CLASP1: variants seen among roughly 807,000 people sequenced by gnomAD.
CLASP1 encodes the protein CLIP-associating protein 1.
A neutral mutation model predicts 192.3 loss-of-function variants in CLASP1; 38 were observed. The ratio of observed to expected loss-of-function variants is 0.20; its 90% CI spans 0.15 to 0.26. The LOEUF is 0.26. Among genes scored for constraint, CLASP1 ranks in the 10% least tolerant of loss-of-function variants. The pLI is 1.00. For synonymous variants in CLASP1, 691 were observed against 712.8 expected (o/e 0.97, Z 0.49); for missense variants, 1,433 against 1,932.5 (o/e 0.74, Z 4.85).
At chr2:121,627,074 T>C (rs554505452) in intron 1 of CLASP1, among the ~76,000 whole-genome samples, 11 of 151,918 alleles carry the variant, frequency 7.2e-5, no homozygotes, top group Admixed American at 2.0e-4. Flanking sequence ...GTACATCCCA[T>C]AGATGCCAAT....
intron 1 of CLASP1, among the ~76,000 whole-genome samples, chr2:121,633,750 T>C (rs1259758221): frequency 6.6e-6 from 1 of 152,082 alleles, no homozygotes; most frequent in Admixed American, 6.6e-5. Context: ...CTCACACCTG[T>C]AATCCCAGCA....
intron 2 of CLASP1, among the ~76,000 whole-genome samples, chr2:121,557,175 C>T (rs184222945): frequency 1.3e-5 from 2 of 152,298 alleles, no homozygotes; most frequent in Admixed American, 6.5e-5. Flanking sequence ...CTCAAGAGCA[C>T]GTGATAGAAC....
At chr2:121,382,520 G>A (rs1316284898) in intron 32 of CLASP1, among the ~76,000 whole-genome samples, 196 bp from the exon 34 acceptor site, 1 of 152,182 alleles carries the variant, frequency 6.6e-6, no homozygotes, top group Non-Finnish European at 1.5e-5. Flanking sequence ...GGTCCTCGAT[G>A]AGACTGCTTT....
chr2:121,542,609 G>C (rs1318813903), intron 2 of CLASP1, among the ~76,000 whole-genome samples: 3 of 152,166 alleles, frequency 2.0e-5, no homozygotes, highest in Admixed American at 1.3e-4. Context: ...GGAAGTGCCT[G>C]GGTGCTCAAC....
intron 8 of CLASP1, among the ~76,000 whole-genome samples, chr2:121,471,383 CAT>C (rs2090699013): frequency 6.6e-6 from 1 of 152,064 alleles, no homozygotes; most frequent in Non-Finnish European, 1.5e-5. Context: ...AAGAGTGAGT[CAT>C]TTAGGAGGCT....
chr2:121,471,076 A>C (rs1347840032), intron 8 of CLASP1, among the ~76,000 whole-genome samples: 2 of 152,192 alleles, frequency 1.3e-5, no homozygotes, highest in African/African-American at 4.8e-5. Context: ...TGAGGCCAGG[A>C]GTTCAAGACC....
At chr2:121,640,034 G>A (rs1291639997) in intron 1 of CLASP1, among the ~76,000 whole-genome samples, 1 of 152,144 alleles carries the variant, frequency 6.6e-6, no homozygotes, top group Admixed American at 6.5e-5. Context: ...GGAATACTAT[G>A]CAGCCATAAA....
chr2:121,430,612 A>G (rs1168486888), intron 19 of CLASP1, among the ~76,000 whole-genome samples: 2 of 152,230 alleles, frequency 1.3e-5, no homozygotes, highest in Non-Finnish European at 2.9e-5. Context: ...ATAGAAAATA[A>G]GAGTAATACC....
At chr2:121,419,372 G>A (rs1315642583) in intron 22 of CLASP1, among the ~76,000 whole-genome samples, 1 of 152,080 alleles carries the variant, frequency 6.6e-6, no homozygotes, top group African/African-American at 2.4e-5. Flanking sequence ...AAAAAGTGGG[G>A]ACTGTTATCC....
chr2:121,375,988 C>T (rs2070020319), intron 34 of CLASP1, among the ~76,000 whole-genome samples: 2 of 152,206 alleles, frequency 1.3e-5, no homozygotes, highest in South Asian at 4.1e-4. Flanking sequence ...TACCTTGGGC[C>T]TCTTAATACT....
At chr2:121,579,292 G>A (rs545195496) in intron 2 of CLASP1, among the ~76,000 whole-genome samples, 2 of 152,244 alleles carry the variant, frequency 1.3e-5, no homozygotes, top group Admixed American at 6.5e-5. Flanking sequence ...TTCACATATG[G>A]AATCCCTTCC....
intron 7 of CLASP1, among the ~76,000 whole-genome samples, chr2:121,507,951 C>T (rs1391916356): frequency 6.6e-6 from 1 of 151,758 alleles, no homozygotes; most frequent in Non-Finnish European, 1.5e-5. Flanking sequence ...TCACCAAAAA[C>T]AAAAGAGAAC....
rs990754955 is a variant in CLASP1 at position 121,636,705 on chromosome 2, T to G, written c.-286+12667A>C. The stretch of plus-strand genomic sequence containing the variant: ...AATAATAATAAATTTTTTAAAAAAT[T>G]TCAGACATCCATAAAATGAGCCACA... On this transcript the variant is annotated intron_variant, in intron 1 of 39. Coordinates refer to ENST00000263710, the Ensembl canonical transcript of CLASP1. 3.9e-5 allele frequency among the ~76,000 whole-genome samples: 6 copies of G among 152,162 alleles called. No homozygotes were observed. The East Asian group carries it at 7.7e-4, about 20-fold the overall frequency.
At chr2:121,628,448 C>T (rs182761876) in intron 1 of CLASP1, among the ~76,000 whole-genome samples, 13 of 151,950 alleles carry the variant, frequency 8.6e-5, no homozygotes, top group African/African-American at 3.1e-4. Context: ...GCCTGAGGTG[C>T]GTGGATCACT....
At chr2:121,602,517 A>C (rs1157613658) in intron 2 of CLASP1, among the ~76,000 whole-genome samples, 1 of 152,240 alleles carries the variant, frequency 6.6e-6, no homozygotes, top group Non-Finnish European at 1.5e-5. Flanking sequence ...CTGAGCAAAA[A>C]GAACAAAGCT....
chr2:121,371,329 TAAGC>T (rs1297111205), intron 34 of CLASP1, among the ~76,000 whole-genome samples: 2 of 151,992 alleles, frequency 1.3e-5, no homozygotes, highest in Non-Finnish European at 2.9e-5. Context: ...CTCCTAGGCT[TAAGC>T]AATACTCTCA....
At chr2:121,419,548 G>C (rs6729454) in intron 22 of CLASP1, among the ~76,000 whole-genome samples, 28,549 of 152,004 alleles carry the variant, frequency 0.19, 4,800 homozygotes, top group African/African-American at 0.45. Flanking sequence ...CCACTGACCT[G>C]AGAACAGCAA....
At chr2:121,532,161 T>A (rs1416679397) in intron 2 of CLASP1, among the ~76,000 whole-genome samples, 1 of 152,238 alleles carries the variant, frequency 6.6e-6, no homozygotes, top group African/African-American at 2.4e-5. Flanking sequence ...ACTGAAGGAA[T>A]CTAAATTGGC....
intron 34 of CLASP1, among the ~76,000 whole-genome samples, chr2:121,375,502 T>C (rs1372947372): frequency 6.6e-6 from 1 of 151,874 alleles, no homozygotes; most frequent in Non-Finnish European, 1.5e-5. Context: ...TAGCTGGGAC[T>C]ACAGGTGTGC....
Sources: allele counts gnomAD v4.1 joint callset (sites outside exome capture counted in the v4.1 genomes callset), GRCh38; gene constraint gnomAD v4.1.1; transcripts MANE v1.5; gene names NCBI Gene and HGNC (gene_info 2026-07-23, HGNC 2026-07-21).